The following ANKHD1 variants were observed in gnomAD, a reference collection of about 807,000 sequenced individuals.
ANKHD1 encodes ankyrin repeat and KH domain containing 1.
ANKHD1 carries 31 observed loss-of-function variants against 230.5 expected under a neutral mutation model. The ratio of observed to expected loss-of-function variants is 0.13; its 90% CI spans 0.10 to 0.18. The LOEUF (loss-of-function observed/expected upper bound fraction) is 0.18, where lower values mean the gene tolerates loss of function less well. Among genes scored for constraint, ANKHD1 ranks in the 10% least tolerant of loss-of-function variants. The probability of loss-of-function intolerance (pLI) is 1.00; values close to 1 mark genes in which losing one functional copy is unlikely to be tolerated. For missense variants in ANKHD1, 2,256 were observed against 3,071.3 expected (o/e 0.73, Z 6.27); for synonymous variants, 1,074 against 1,117.6 (o/e 0.96, Z 0.78).
At chr5:140,470,818 G>A (rs1168891483) in intron 10 of ANKHD1, among the ~76,000 whole-genome samples, 4 of 151,398 alleles carry the variant, frequency 2.6e-5, no homozygotes, top group Admixed American at 2.6e-4. Flanking sequence ...GTAGAGACGG[G>A]GTTTCATCAT....
chr5:140,538,005 C>A, intron 31 of ANKHD1, 81 bp from the exon 32 acceptor site: 1 of 1,505,760 alleles, frequency 6.6e-7, no homozygotes, highest in South Asian at 1.4e-5. Flanking sequence ...AACATTTGGT[C>A]ATGTTTGGTA....
At position 140,485,851 on chromosome 5, in the gene ANKHD1, A is replaced by G; in HGVS notation, c.2142+119A>G. 1 of 1,387,506 alleles carries G rather than the reference A, an allele frequency of 7.2e-7. No homozygotes were observed. The highest frequency in any genetic ancestry group is 2.5e-5 in the East Asian group (1 of 40,080). The allele number at this position is 1,387,506 out of a possible 1,614,324, so 85.9% of individuals were successfully genotyped here. ...TTTTTATTCTCTGTTACATATTGAG[A>G]AAATCATGACTCTAAATTCTTTAGG... On this transcript the variant is annotated intron_variant, in intron 13 of 33. Coordinates refer to ENST00000360839, the MANE Select transcript of ANKHD1 (RefSeq NM_017747.3). This position sits in a 1 kb window ranked among gnomAD's most constrained non-coding sequence, Gnocchi z 4.8.
chr5:140,471,756 T>G (rs1175444561), intron 10 of ANKHD1, among the ~76,000 whole-genome samples: 1 of 152,204 alleles, frequency 6.6e-6, no homozygotes, highest in African/African-American at 2.4e-5. Context: ...ATTCCATTTC[T>G]CAAGTTCTTT....
At chr5:140,477,952 C>CATGT (rs1377803167) in intron 10 of ANKHD1, among the ~76,000 whole-genome samples, 1 of 152,100 alleles carries the variant, frequency 6.6e-6, no homozygotes, top group Non-Finnish European at 1.5e-5. Flanking sequence ...AGAGGCAATA[C>CATGT]AGTAAAAATT....
intron 1 of ANKHD1, among the ~76,000 whole-genome samples, chr5:140,415,036 G>GT (rs1203444800): frequency 6.6e-6 from 1 of 151,864 alleles, no homozygotes; most frequent in Admixed American, 6.6e-5. Context: ...TAATTTATCT[G>GT]TTTTTTTATT....
intron 29 of ANKHD1, among the ~76,000 whole-genome samples, chr5:140,534,458 G>T (rs1753985725): frequency 6.6e-6 from 1 of 152,096 alleles, no homozygotes; most frequent in South Asian, 2.1e-4. Flanking sequence ...AATGAGTATG[G>T]AGTTTCTTTT....
chr5:140,524,978 G>T, intron 25 of ANKHD1: 1 of 325,882 alleles, frequency 3.1e-6, no homozygotes, highest in Non-Finnish European at 6.1e-6. Context: ...GGGATTACAG[G>T]CGTGGTGGCA....
At chr5:140,486,880 A>G (rs1751527029) in intron 13 of ANKHD1, 78 bp from the exon 14 acceptor site, 4 of 1,421,226 alleles carry the variant, frequency 2.8e-6, no homozygotes, top group South Asian at 1.5e-5. Context: ...ATAACCTAAA[A>G]CAGGATATCT....
rs184256056 is a variant in ANKHD1, at chr5:140,534,262, G to T, written c.6851-1100G>T. 3.8e-3 allele frequency among the ~76,000 whole-genome samples: 574 copies of T among 152,172 alleles called. 7 individuals are homozygous for T. Among genetic ancestry groups the T allele is most frequent in the African/African-American group, 0.013 (560 of 41,510 alleles). ...AAAAAATTAGCCGGGCGTGATGGCAGATGCCTGTAGTCCCAGCTACTTGGG... is the reference window on the plus strand; with the variant it reads ...AAAAAATTAGCCGGGCGTGATGGCATATGCCTGTAGTCCCAGCTACTTGGG... On this transcript the variant is annotated intron_variant, in intron 29 of 33. Transcript: ENST00000360839.
intron 5 of ANKHD1, among the ~76,000 whole-genome samples, chr5:140,444,684 T>C (rs1774139517): frequency 6.6e-6 from 1 of 152,234 alleles, no homozygotes; most frequent in Non-Finnish European, 1.5e-5. Flanking sequence ...TATTGAGATA[T>C]AATTCATATA....
chr5:140,485,467 T>A lies in ANKHD1; in HGVS notation c.1999-122T>A. The A allele has an allele frequency of 1.5e-6, 2 of 1,336,676 alleles. No homozygotes were observed. The allele number at this position is 1,336,676 out of a possible 1,614,324, so 82.8% of individuals were successfully genotyped here. On this transcript the variant is annotated intron_variant, in intron 12 of 33. Transcript: ENST00000360839. This position sits in a 1 kb window ranked among gnomAD's most constrained non-coding sequence, Gnocchi z 4.8. ...ATATATATAAATAATATGTGTATAG[T>A]TATAAAAATATGTTTGATCTATCTT...
chr5:140,528,054 G>A, intron 28 of ANKHD1, 32 bp downstream of exon 28: 1 of 1,608,070 alleles, frequency 6.2e-7, no homozygotes, highest in East Asian at 2.2e-5. Flanking sequence ...TGCTAGTTCT[G>A]AGTAGAAATT....
rs146622103 is a variant in ANKHD1, at chr5:140,450,790, A to T, written c.1242+1485A>T. Among the ~76,000 whole-genome samples, 558 of 152,064 alleles carry T rather than the reference A, an allele frequency of 3.7e-3. 6 individuals carry two copies. Among genetic ancestry groups the T allele is most frequent in the African/African-American group, 0.013 (544 of 41,512 alleles). ...TTTATTTATTTATTTATTTATTATT[A>T]TTATTTTGTTGGAATTCCCCTCTTA... On this transcript the variant is annotated intron_variant, in intron 7 of 33. Coordinates refer to ENST00000360839, the MANE Select transcript of ANKHD1 (RefSeq NM_017747.3).
Position 140,535,527 on chromosome 5 carries a change from C to A in ANKHD1, c.7016C>A (p.Ala2339Asp). Residue 2339 changes from alanine to aspartate, a missense_variant, in exon 30 of 34, where the codon GCC (alanine) becomes GAC (aspartate). Ala to Asp is a moderately radical substitution (Grantham distance 126). Transcript: ENST00000360839. ...TTTTCTCCCCATCCTTGGACAAGCG[C>A]CTCAAACTCATGTAGGAATCCTGGA... The part of the protein sequence containing the change: ...QHFSPHPWTS[A>D]SNSSTSAPPT... The A allele has an allele frequency of 2.5e-6, 4 of 1,599,728 alleles. No individual in the cohort carries two copies. The highest frequency in any genetic ancestry group is 3.4e-6 in the Non-Finnish European group (4 of 1,175,812).
chr5:140,475,251 A>T (rs1278922989), intron 10 of ANKHD1, among the ~76,000 whole-genome samples: 2 of 152,178 alleles, frequency 1.3e-5, no homozygotes, highest in Non-Finnish European at 2.9e-5. Flanking sequence ...AGGATTAAAG[A>T]TCTCCGTGGA....
At chr5:140,437,898 G>A (rs973497012) in intron 2 of ANKHD1, among the ~76,000 whole-genome samples, 1 of 152,284 alleles carries the variant, frequency 6.6e-6, no homozygotes, top group South Asian at 2.1e-4. Context: ...TATATCATTA[G>A]TAGATTGTGT....
At chr5:140,441,407 T>C (rs1773835305) in intron 5 of ANKHD1, among the ~76,000 whole-genome samples, 1 of 152,200 alleles carries the variant, frequency 6.6e-6, no homozygotes. Context: ...GAGGAGATCC[T>C]GCCATTTGCC....
intron 1 of ANKHD1, among the ~76,000 whole-genome samples, chr5:140,430,652 CTTTT>C (rs34643827): frequency 4.4e-5 from 5 of 114,690 alleles, no homozygotes; most frequent in East Asian, 2.8e-4. Flanking sequence ...TGGTTTCCAT[CTTTT>C]TTTTTTTTTT....
intron 10 of ANKHD1, among the ~76,000 whole-genome samples, chr5:140,467,572 C>G (rs1053725575): frequency 6.6e-6 from 1 of 151,988 alleles, no homozygotes; most frequent in Non-Finnish European, 1.5e-5. Flanking sequence ...GCCTGGGCAA[C>G]ATAGTGAGAC....
Sources: gnomAD v4.1 joint callset for allele counts (sites outside exome capture counted in the v4.1 genomes callset) on GRCh38, gnomAD v4.1.1 for gene constraint, Gnocchi (gnomAD v3.1) non-coding constraint, MANE v1.5 for transcripts, NCBI Gene and HGNC (gene_info 2026-07-23, HGNC 2026-07-21) for gene names.